The following KIAA1614 variants were observed in gnomAD, a reference collection of about 807,000 sequenced individuals.
The protein encoded by KIAA1614 is uncharacterized protein KIAA1614.
In KIAA1614, 76 loss-of-function variants were observed where a neutral mutation model predicts 88.7. The ratio of observed to expected loss-of-function variants is 0.86; its 90% CI spans 0.71 to 1.04. The LOEUF (loss-of-function observed/expected upper bound fraction) is 1.04. Among genes scored for constraint, KIAA1614 ranks in the 50% least tolerant of loss-of-function variants. The pLI, the probability that KIAA1614 is intolerant of heterozygous loss-of-function variation, is 0.00. For synonymous variants in KIAA1614, 714 were observed against 675.5 expected (o/e 1.06, Z -0.88); for missense variants, 1,553 against 1,582.5 (o/e 0.98, Z 0.32).
Position 180,915,507 on chromosome 1 carries a change from C to T in KIAA1614, c.51-647C>T, listed in dbSNP as rs559632333. The stretch of plus-strand genomic sequence containing the variant: ...GCATAGGATTAGTTGTCCTCTGAAG[C>T]TTCATTTTGCCCGTCTATAAAATGG... On this transcript the variant is annotated intron_variant, in intron 1 of 8. Coordinates refer to ENST00000367588, the MANE Select transcript of KIAA1614 (RefSeq NM_020950.2). 7.9e-5 allele frequency among the ~76,000 whole-genome samples: 12 copies of T among 152,336 alleles called. 1 individual carries two copies. The South Asian group carries it at 2.5e-3, about 32-fold the overall frequency.
At chr1:180,918,259 C>A (rs1653864831) in intron 3 of KIAA1614, among the ~76,000 whole-genome samples, 1 of 152,288 alleles carries the variant, frequency 6.6e-6, no homozygotes, top group South Asian at 2.1e-4. Context: ...TTCACAGGAC[C>A]ATTGTGAGGC....
chr1:180,924,850 T>C (rs890920776), intron 3 of KIAA1614, among the ~76,000 whole-genome samples: 2 of 119,418 alleles, frequency 1.7e-5, no homozygotes, highest in African/African-American at 5.4e-5. Context: ...AGTAAGGGGG[T>C]GAGAGTAATT....
intron 6 of KIAA1614, among the ~76,000 whole-genome samples, chr1:180,940,774 G>A (rs1461841332): frequency 6.7e-6 from 1 of 149,350 alleles, no homozygotes; most frequent in Non-Finnish European, 1.5e-5. Flanking sequence ...GTGCAGTGGC[G>A]TGATCACAGC....
At chr1:180,938,396 C>T (rs559502367) in intron 5 of KIAA1614, among the ~76,000 whole-genome samples, 159 bp from the exon 6 acceptor site, 1 of 152,320 alleles carries the variant, frequency 6.6e-6, no homozygotes, top group South Asian at 2.1e-4. Flanking sequence ...GGCCACCCCA[C>T]CTTCCCTTGC....
intron 3 of KIAA1614, among the ~76,000 whole-genome samples, chr1:180,922,107 A>G (rs1180252007): frequency 2.0e-5 from 3 of 152,232 alleles, no homozygotes; most frequent in Non-Finnish European, 4.4e-5. Context: ...CCGTCTCCAT[A>G]GAGGCGGTGC....
At chr1:180,929,119 CA>C (rs200079144) in intron 4 of KIAA1614, among the ~76,000 whole-genome samples, 171 of 152,298 alleles carry the variant, frequency 1.1e-3, no homozygotes, top group Admixed American at 2.5e-3. Flanking sequence ...GGTGCCTCTG[CA>C]GAAGTCTGTG....
intron 8 of KIAA1614, chr1:180,944,908 T>A (rs570390771): frequency 3.8e-6 from 1 of 264,246 alleles, no homozygotes; most frequent in South Asian, 8.0e-5. Context: ...GCTTGGAAAA[T>A]CCCACCCTGT....
At chr1:180,941,495 G>A (rs997474702) in intron 7 of KIAA1614, among the ~76,000 whole-genome samples, 1 of 152,142 alleles carries the variant, frequency 6.6e-6, no homozygotes, top group Non-Finnish European at 1.5e-5. Context: ...GCTGTTCCCC[G>A]CCAGCCGCCC....
chr1:180,946,826 T>C lies in KIAA1614; in HGVS notation c.*1238T>C, dbSNP rs942847548. 10 of 152,224 alleles carry C rather than the reference T, an allele frequency of 6.6e-5. No individual in the cohort carries two copies. Among genetic ancestry groups the C allele is most frequent in the African/African-American group, 2.4e-4 (10 of 41,436 alleles). 9.4% of individuals were successfully genotyped at this position (152,224 alleles called of 1,614,324 possible). ...CAGCAAATATATACTAAGCACCTACTATGTGTTATAGATACGGGGGATACA... is the reference window on the plus strand; with the variant it reads ...CAGCAAATATATACTAAGCACCTACCATGTGTTATAGATACGGGGGATACA... On this transcript the variant is annotated 3_prime_UTR_variant, in exon 9 of 9. Transcript: ENST00000367588.
intron 4 of KIAA1614, among the ~76,000 whole-genome samples, chr1:180,930,018 G>A (rs12135196): frequency 0.018 from 2,691 of 152,308 alleles, 35 homozygotes; most frequent in Non-Finnish European, 0.027. Context: ...CCTTAGGAGA[G>A]GGGCTCAGAA....
intron 3 of KIAA1614, among the ~76,000 whole-genome samples, chr1:180,922,427 G>C (rs1389173975): frequency 6.6e-6 from 1 of 152,138 alleles, no homozygotes; most frequent in Admixed American, 6.5e-5. Context: ...ACTTCACACA[G>C]GCGAGGGGAA....
Position 180,950,291 on chromosome 1 carries a change from C to T in KIAA1614, c.*4703C>T. ...ACATGGTCAGCATTCCAGAGATGCA[C>T]TTCTTCGATTTGGGTGTCATTGTGA... On this transcript the variant is annotated 3_prime_UTR_variant, in exon 9 of 9. Coordinates refer to ENST00000367588, the MANE Select transcript of KIAA1614 (RefSeq NM_020950.2). The T allele has an allele frequency of 3.6e-6, 4 of 1,125,570 alleles. No individual in the cohort carries two copies. Among genetic ancestry groups the T allele is most frequent in the Non-Finnish European group, 4.5e-6 (4 of 898,376 alleles). 69.7% of individuals were successfully genotyped at this position (1,125,570 alleles called of 1,614,324 possible).
rs1654303736 is a variant in KIAA1614 at position 180,935,434 on chromosome 1, C to A, written c.1525C>A (p.Gln509Lys). The change falls in exon 5 of 9, where the codon CAG becomes AAG. Residue 509 changes from glutamine to lysine, a missense_variant. Coordinates refer to ENST00000367588, the MANE Select transcript of KIAA1614 (RefSeq NM_020950.2). This position sits in a 1 kb window ranked among gnomAD's most constrained non-coding sequence, Gnocchi z 6.1. ...NGAPRLRDAGQGTFHRLVGSL... is the reference protein window; with the variant it reads ...NGAPRLRDAGKGTFHRLVGSL... ...GGCTCCCCGGCTCCGGGACGCGGGG[C>A]AGGGGACATTCCACAGGCTTGTGGG... 3.4e-6 allele frequency: 5 copies of A among 1,479,064 alleles called. No individual in the cohort carries two copies. The highest frequency in any genetic ancestry group is 1.8e-4 in the Middle Eastern group (1 of 5,568). 91.6% of individuals were successfully genotyped at this position (1,479,064 alleles called of 1,614,324 possible). A position where few individuals can be genotyped will look rare whatever the true frequency, so the allele number is the denominator to read the frequency against.
rs377007881 is a variant in KIAA1614 at position 180,935,727 on chromosome 1, G to A, written c.1818G>A (p.Ala606=). Residue 606 remains alanine (A), a synonymous_variant, in exon 5 of 9, where the codon GCG becomes GCA. Coordinates refer to ENST00000367588, the MANE Select transcript of KIAA1614 (RefSeq NM_020950.2). This position sits in a 1 kb window ranked among gnomAD's most constrained non-coding sequence, Gnocchi z 6.1. The part of the protein sequence containing the change: ...ETHIGDTVCP[A]EVDSALDSTD... ...ACATCGGAGACACCGTGTGCCCTGC[G>A]GAGGTGGACTCTGCCCTGGACAGCA... 35 of 1,613,690 alleles carry A rather than the reference G, an allele frequency of 2.2e-5. No individual in the cohort carries two copies. In the African/African-American group the frequency reaches 3.1e-4, roughly 14 times the overall value.
rs1281357943 is a variant in KIAA1614, at chr1:180,941,059, C to T, written c.2933C>T (p.Ala978Val). 1.4e-6 allele frequency: 2 copies of T among 1,429,010 alleles called. No individual in the cohort carries two copies. Among genetic ancestry groups the T allele is most frequent in the Non-Finnish European group, 1.9e-6 (2 of 1,065,660 alleles). The allele number at this position is 1,429,010 out of a possible 1,614,324, so 88.5% of individuals were successfully genotyped here. A position where few individuals can be genotyped will look rare whatever the true frequency, so the allele number is the denominator to read the frequency against. Reference sequence around the variant, plus strand: ...TTGTGTTTCAGAGCATCAGCAGGAGCTGGCACAGGACCCGGCTCCCCCTCG... The same window carrying T: ...TTGTGTTTCAGAGCATCAGCAGGAGTTGGCACAGGACCCGGCTCCCCCTCG... ...GHVLSRASAG[A>V]GTGPGSPSAA... Residue 978 changes from alanine (A) to valine (V), a missense_variant, in exon 7 of 9, where the codon GCT (alanine) becomes GTT (valine). Physicochemically the swap from Ala to Val is moderately conservative, Grantham distance 64. Transcript: ENST00000367588.
chr1:180,944,448 GAGC>G lies in KIAA1614; in HGVS notation c.3224_3226del (p.Ser1075del), dbSNP rs1654539071. 1 of 1,613,870 alleles carries G rather than the reference GAGC, an allele frequency of 6.2e-7. No individual in the cohort carries two copies. Among genetic ancestry groups the G allele is most frequent in the Non-Finnish European group, 8.5e-7 (1 of 1,179,932 alleles). ...CTTTTCAGAACCTCCATTCTCTGCT[GAGC>G]AGCAAGGGGAACCGGTCCAGCCTCT... is the stretch of plus-strand genomic sequence containing the variant. On this transcript the variant is annotated inframe_deletion, in exon 8 of 9. Coordinates refer to ENST00000367588, the MANE Select transcript of KIAA1614 (RefSeq NM_020950.2).
rs112245983 is a variant in KIAA1614 at position 180,945,125 on chromosome 1, C to T, written c.3288-178C>T. On this transcript the variant is annotated intron_variant, in intron 8 of 8. Transcript: ENST00000367588. ...GGCCTTGGGGGGCCTTGCACAGCGG[C>T]GGAAACCCACCAGTTTTGGCCCTAG... is the stretch of plus-strand genomic sequence containing the variant. 1.7e-4 allele frequency: 108 copies of T among 653,038 alleles called. 1 individual carries two copies. Among genetic ancestry groups the T allele is most frequent in the African/African-American group, 7.5e-4 (39 of 52,090 alleles). The allele number at this position is 653,038 out of a possible 1,614,324, so 40.5% of individuals were successfully genotyped here. A position where few individuals can be genotyped will look rare whatever the true frequency, so the allele number is the denominator to read the frequency against.
chr1:180,916,504 TC>T lies in KIAA1614; in HGVS notation c.403del (p.Leu135CysfsTer115). On this transcript the variant is annotated frameshift_variant, in exon 2 of 9. Transcript: ENST00000367588. LOFTEE classifies it high-confidence loss of function. Reference sequence around the variant, plus strand: ...GCCGGGACTCCATCAGAGGGGTCTTTCCTGCCAGGTGCTGTGGTGGCTCCTC... The same window carrying T: ...GCCGGGACTCCATCAGAGGGGTCTTTCTGCCAGGTGCTGTGGTGGCTCCTC... ...GRAGTPSEGS[F>X]LPGAVVAPRT... 1 of 1,614,080 alleles carries T rather than the reference TC, an allele frequency of 6.2e-7. No individual in the cohort carries two copies. The highest frequency in any genetic ancestry group is 8.5e-7 in the Non-Finnish European group (1 of 1,180,042).
intron 3 of KIAA1614, among the ~76,000 whole-genome samples, chr1:180,919,711 G>GC (rs941422837): frequency 2.0e-5 from 3 of 152,172 alleles, no homozygotes; most frequent in Non-Finnish European, 4.4e-5. Flanking sequence ...AAGGAATAAG[G>GC]CCCCCTCATT....
Sources: allele counts gnomAD v4.1 joint callset (sites outside exome capture counted in the v4.1 genomes callset), GRCh38; gene constraint gnomAD v4.1.1; non-coding constraint Gnocchi (gnomAD v3.1); transcripts MANE v1.5; gene names NCBI Gene and HGNC (gene_info 2026-07-23, HGNC 2026-07-21).